The following MCF2L variants were observed in gnomAD, a reference collection of about 807,000 sequenced individuals.
The protein encoded by MCF2L is MCF.2 cell line derived transforming sequence like, also known as guanine nucleotide exchange factor DBS.
In MCF2L, 97 loss-of-function variants were observed where a neutral mutation model predicts 153.4. The observed-to-expected ratio is 0.63, with a 90% confidence interval of 0.54 to 0.75. The LOEUF (loss-of-function observed/expected upper bound fraction) is 0.75, where lower values mean the gene tolerates loss of function less well. MCF2L is among the 30% of genes least tolerant of loss of function. MCF2L has a pLI of 0.00. For synonymous variants in MCF2L, 659 were observed against 632.2 expected (o/e 1.04, Z -0.64); for missense variants, 1,347 against 1,495.2 (o/e 0.90, Z 1.64).
intron 1 of MCF2L, chr13:113,001,704 CT>C: frequency 7.4e-7 from 1 of 1,356,896 alleles, no homozygotes; most frequent in East Asian, 3.1e-5. Flanking sequence ...GCCGATGCTG[CT>C]CCTTAATCAG....
rs1326052519 is a variant in MCF2L, at chr13:112,951,967, C to T, written c.169+49596C>T. Among the ~76,000 whole-genome samples the T allele has an allele frequency of 1.3e-5, 2 of 152,158 alleles. No individual in the cohort carries two copies. Among genetic ancestry groups the T allele is most frequent in the Admixed American group, 6.5e-5 (1 of 15,278 alleles). On this transcript the variant is annotated intron_variant, in intron 2 of 29. Coordinates refer to the MCF2L transcript ENST00000375608. The surrounding 1 kb of genome is among the most constrained non-coding windows in gnomAD (Gnocchi z 4.8). ...AGGGCTTTACCAATATGTAGAATCA[C>T]GTGAAGTGGGAAGAGGGAAAAGGGC...
intron 20 of MCF2L, 51 bp downstream of exon 20, chr13:113,085,229 G>C: frequency 6.4e-7 from 1 of 1,561,790 alleles, no homozygotes; most frequent in Non-Finnish European, 8.8e-7. Flanking sequence ...TGCTGGCCAG[G>C]TGTCTGTGCC....
Position 113,060,510 on chromosome 13 carries a change from A to G in MCF2L, c.370-83A>G, listed in dbSNP as rs1020250142. On this transcript the variant is annotated intron_variant, in intron 4 of 29. Transcript: ENST00000535094. ...GGCCGCTAGCTGCGCGCCCCCGGTC[A>G]GCCCAGCGTGCAGGCACCGCACTAG... 5 of 1,539,836 alleles carry G rather than the reference A, an allele frequency of 3.2e-6. No homozygotes were observed. In the African/African-American group the frequency reaches 5.5e-5, roughly 17 times the overall value.
intron 2 of MCF2L, among the ~76,000 whole-genome samples, chr13:112,921,505 C>T (rs1338265539): frequency 6.6e-6 from 1 of 152,176 alleles, no homozygotes; most frequent in Non-Finnish European, 1.5e-5. Context: ...CTCCCACCTC[C>T]TAGTCTAAGA....
chr13:112,896,087 G>A (rs1025988614), intron 1 of MCF2L, among the ~76,000 whole-genome samples: 1 of 152,222 alleles, frequency 6.6e-6, no homozygotes, highest in Non-Finnish European at 1.5e-5. Context: ...TGCAGACTTT[G>A]GCAGGGACCC....
rs543479798 is a variant in MCF2L, at chr13:112,911,465, G to C, written c.169+9094G>C. Among the ~76,000 whole-genome samples the C allele has an allele frequency of 2.0e-5, 3 of 152,314 alleles. No homozygotes were observed. In the South Asian group the frequency reaches 6.2e-4, roughly 32 times the overall value. On this transcript the variant is annotated intron_variant, in intron 2 of 29. Transcript: ENST00000375608. ...CAGGTTCTTCTCTCCCAGCGTGGCCGCCATGTTGGCCGTGATCCCCGGATC... is the reference window on the plus strand; with the variant it reads ...CAGGTTCTTCTCTCCCAGCGTGGCCCCCATGTTGGCCGTGATCCCCGGATC...
rs1045180235 is a variant in MCF2L, at chr13:113,072,031, G to A, written c.996+1858G>A. The stretch of plus-strand genomic sequence containing the variant: ...ACATTTGATTTCTTTCATCAGTGTC[G>A]AGTAGTTCTCAGCACACAAGTTCAG... On this transcript the variant is annotated intron_variant, in intron 9 of 29. Coordinates refer to ENST00000535094, the MANE Select transcript of MCF2L (RefSeq NM_001112732.3). Among the ~76,000 whole-genome samples the A allele has an allele frequency of 6.6e-5, 10 of 152,112 alleles. No individual in the cohort carries two copies. In the South Asian group the frequency reaches 8.3e-4, roughly 13 times the overall value.
chr13:113,033,359 GCGTGAGTGGCCCCCGTGA>G (rs1478113885), intron 3 of MCF2L, among the ~76,000 whole-genome samples: 6 of 26,032 alleles, frequency 2.3e-4, no homozygotes, highest in Non-Finnish European at 4.5e-4. Context: ...GGACCCCGTG[GCGTGAGTGGCCCCCGTGA>G]CGTGAGTGGC....
intron 2 of MCF2L, 61 bp from the exon 3 acceptor site, chr13:113,024,583 C>G: frequency 7.4e-6 from 8 of 1,076,316 alleles, no homozygotes; most frequent in Non-Finnish European, 1.1e-5. Flanking sequence ...GGGCCGACAT[C>G]TGTGGAACCC....
chr13:113,054,706 A>G lies in MCF2L; in HGVS notation c.370-5887A>G, dbSNP rs2087612522. The G allele has an allele frequency of 6.6e-6, 1 of 152,228 alleles. No individual in the cohort carries two copies. The highest frequency in any genetic ancestry group is 6.5e-5 in the Admixed American group (1 of 15,286). 9.4% of individuals were successfully genotyped at this position (152,228 alleles called of 1,614,324 possible). A position where few individuals can be genotyped will look rare whatever the true frequency, so the allele number is the denominator to read the frequency against. On this transcript the variant is annotated intron_variant, in intron 4 of 29. Coordinates refer to ENST00000535094, the MANE Select transcript of MCF2L (RefSeq NM_001112732.3). This position sits in a 1 kb window ranked among gnomAD's most constrained non-coding sequence, Gnocchi z 5.2. Reference sequence around the variant, plus strand: ...TGAACTTGGGGAGGGTTTTTCAAACAGGGTTCCCCAAAGTACCCAGTTCTA... The same window carrying G: ...TGAACTTGGGGAGGGTTTTTCAAACGGGGTTCCCCAAAGTACCCAGTTCTA...
intron 2 of MCF2L, chr13:112,956,740 G>A (rs1004457678): frequency 6.6e-6 from 1 of 152,266 alleles, no homozygotes; most frequent in African/African-American, 2.4e-5. Flanking sequence ...CAGCCTCGAG[G>A]TTGTCCACTT....
intron 1 of MCF2L, among the ~76,000 whole-genome samples, chr13:112,999,572 C>T (rs1002160584): frequency 1.3e-5 from 2 of 152,202 alleles, no homozygotes; most frequent in African/African-American, 4.8e-5. Flanking sequence ...CCCAGCCCTC[C>T]GTGTCCTCCA....
intron 13 of MCF2L, 112 bp from the exon 14 acceptor site, chr13:113,078,251 G>T: frequency 1.2e-6 from 1 of 835,548 alleles, no homozygotes. Flanking sequence ...ACCACCTGTG[G>T]CCTCAGAGGC....
Position 113,085,124 on chromosome 13 carries a change from C to A in MCF2L, c.2193C>A (p.Asp731Glu). The change falls in exon 20 of 30, where the codon GAC becomes GAA. Residue 731 changes from aspartate to glutamate, a missense_variant. Asp to Glu is a conservative substitution (Grantham distance 45, BLOSUM62 2). This residue lies in a region of MCF2L where 144 missense variants were observed against 238.7 expected (regional missense o/e 0.60). Transcript: ENST00000535094. ...AGCTGGACCACAAGCTGAGCCTGGA[C>A]TCCTACCTGCTGAAGCCAGTGCAGA... is the stretch of plus-strand genomic sequence containing the variant. ...QRKLDHKLSLDSYLLKPVQRI... is the reference protein window; with the variant it reads ...QRKLDHKLSLESYLLKPVQRI... 1 of 1,613,714 alleles carries A rather than the reference C, an allele frequency of 6.2e-7. No individual in the cohort carries two copies. Among genetic ancestry groups the A allele is most frequent in the Non-Finnish European group, 8.5e-7 (1 of 1,180,036 alleles).
upstream of MCF2L, chr13:112,968,667 G>A: frequency 6.6e-7 from 1 of 1,504,616 alleles, no homozygotes; most frequent in Non-Finnish European, 8.8e-7. Flanking sequence ...GGCGCGCTGG[G>A]CTGCTGCGGC....
chr13:113,039,734 C>T (rs2086364564), intron 3 of MCF2L, among the ~76,000 whole-genome samples: 2 of 152,146 alleles, frequency 1.3e-5, no homozygotes, highest in African/African-American at 4.8e-5. Flanking sequence ...CAATTAAAGC[C>T]ATATCAGGAC....
intron 1 of MCF2L, chr13:113,002,040 G>T: frequency 6.8e-7 from 1 of 1,464,456 alleles, no homozygotes; most frequent in Non-Finnish European, 9.0e-7. Flanking sequence ...GGGCGACAGT[G>T]CGGGGACGCC....
chr13:113,065,171 G>T (rs776968870), intron 7 of MCF2L, 86 bp downstream of exon 7: 3 of 1,522,400 alleles, frequency 2.0e-6, no homozygotes, highest in Non-Finnish European at 1.8e-6. Flanking sequence ...AGCTGCGGGG[G>T]GTCTTTCGTC....
intron 2 of MCF2L, among the ~76,000 whole-genome samples, chr13:112,936,811 G>T (rs991376983): frequency 6.6e-6 from 1 of 152,022 alleles, no homozygotes; most frequent in African/African-American, 2.4e-5. Flanking sequence ...GCATTCCCTC[G>T]TAGACTTTAA....
Sources: gnomAD v4.1 joint callset for allele counts (sites outside exome capture counted in the v4.1 genomes callset) on GRCh38, gnomAD v4.1.1 for gene constraint, gnomAD v4.1.1 regional missense constraint, Gnocchi (gnomAD v3.1) non-coding constraint, MANE v1.5 for transcripts, NCBI Gene and HGNC (gene_info 2026-07-23, HGNC 2026-07-21) for gene names.